C5orf22: variants seen among roughly 807,000 people sequenced by gnomAD.
C5orf22 encodes chromosome 5 open reading frame 22, also known as UPF0489 protein C5orf22.
C5orf22 carries 36 observed loss-of-function variants against 48.7 expected under a neutral mutation model. The observed-to-expected ratio is 0.74, with a 90% confidence interval of 0.57 to 0.98. The LOEUF (loss-of-function observed/expected upper bound fraction) is 0.98, where lower values mean the gene tolerates loss of function less well. C5orf22 is among the 50% of genes least tolerant of loss of function. The pLI is 0.00. For missense variants in C5orf22, 486 were observed against 521.9 expected, an observed-to-expected ratio of 0.93 and a Z score of 0.67; for synonymous variants, 141 against 180.8, an observed-to-expected ratio of 0.78 and a Z score of 1.76.
intron 7 of C5orf22, among the ~76,000 whole-genome samples, chr5:31,551,087 A>G (rs1295969303): frequency 6.6e-6 from 1 of 152,248 alleles, no homozygotes; most frequent in African/African-American, 2.4e-5. Flanking sequence ...ATTAAAAATT[A>G]AAAGTTTTTC....
In C5orf22 at chr5:31,555,021, T is replaced by C. The variant is rs1027033196; in HGVS notation, c.*2119T>C. On this transcript the variant is annotated 3_prime_UTR_variant, in exon 9 of 9. Transcript: ENST00000325366. ...GTTTTGAATTGTGTACTAATATCAT[T>C]AAAGCATGGGATTTTAGTGGCTTTT... is the stretch of plus-strand genomic sequence containing the variant. The C allele has an allele frequency of 2.0e-5, 3 of 152,206 alleles. No individual in the cohort carries two copies. The highest frequency in any genetic ancestry group is 1.3e-4 in the Admixed American group (2 of 15,274). The allele number at this position is 152,206 out of a possible 1,614,324, so 9.4% of individuals were successfully genotyped here.
At chr5:31,550,787 C>G (rs1294011285) in intron 7 of C5orf22, among the ~76,000 whole-genome samples, 1 of 152,162 alleles carries the variant, frequency 6.6e-6, no homozygotes, top group Non-Finnish European at 1.5e-5. Context: ...GTCTCCAACT[C>G]CCGACCTCAG....
rs569124014 is a variant in C5orf22, at chr5:31,532,991, G to C, written c.81+518G>C. Among the ~76,000 whole-genome samples the C allele has an allele frequency of 4.6e-5, 7 of 151,826 alleles. No homozygotes were observed. In the East Asian group the frequency reaches 1.4e-3, roughly 30 times the overall value. On this transcript the variant is annotated intron_variant, in intron 1 of 8. Coordinates refer to ENST00000325366, the MANE Select transcript of C5orf22 (RefSeq NM_018356.3). ...CTTTTTTGAGACGGAGTCTCTCTCT[G>C]TTACCCAGACTGGAGTGCAGTGGCG...
At chr5:31,546,288 G>T (rs1376703192) in intron 7 of C5orf22, among the ~76,000 whole-genome samples, 2 of 152,204 alleles carry the variant, frequency 1.3e-5, no homozygotes, top group African/African-American at 4.8e-5. Context: ...TACTTGAGAT[G>T]AGAAAGCTAT....
At chr5:31,544,620 G>T (rs952637332) in intron 6 of C5orf22, among the ~76,000 whole-genome samples, 1 of 151,862 alleles carries the variant, frequency 6.6e-6, no homozygotes, top group East Asian at 1.9e-4. Flanking sequence ...TATATCAGAT[G>T]ATGTAGGATT....
chr5:31,535,986 A>G (rs1742051735), intron 3 of C5orf22, 93 bp downstream of exon 3: 3 of 1,253,924 alleles, frequency 2.4e-6, no homozygotes, highest in East Asian at 2.5e-5. Flanking sequence ...CTGCACACAA[A>G]TAGGGTCAGA....
chr5:31,546,693 CT>C (rs1196024873), intron 7 of C5orf22, among the ~76,000 whole-genome samples: 3 of 152,128 alleles, frequency 2.0e-5, no homozygotes, highest in Non-Finnish European at 4.4e-5. Flanking sequence ...TGCAGGGAGA[CT>C]TTTGTTTTTA....
At chr5:31,536,187 A>G (rs1742071857) in intron 3 of C5orf22, among the ~76,000 whole-genome samples, 1 of 152,212 alleles carries the variant, frequency 6.6e-6, no homozygotes, top group Non-Finnish European at 1.5e-5. Flanking sequence ...ATAGATTTAT[A>G]CATTCAGTAG....
rs1743401374 is a variant in C5orf22 at position 31,553,193 on chromosome 5, C to G, written c.*291C>G. The G allele has an allele frequency of 3.7e-6, 1 of 271,408 alleles. No individual in the cohort carries two copies. The highest frequency in any genetic ancestry group is 5.0e-5 in the Admixed American group (1 of 20,074). The allele number at this position is 271,408 out of a possible 1,614,324, so 16.8% of individuals were successfully genotyped here. A position where few individuals can be genotyped will look rare whatever the true frequency, so the allele number is the denominator to read the frequency against. Reference sequence around the variant, plus strand: ...TGTTTGTTTGTTTGTCTTCACTTTTCCCCCAGGTCTGTTGAGCTGTATGAG... The same window carrying G: ...TGTTTGTTTGTTTGTCTTCACTTTTGCCCCAGGTCTGTTGAGCTGTATGAG... On this transcript the variant is annotated 3_prime_UTR_variant, in exon 9 of 9. Coordinates refer to ENST00000325366, the MANE Select transcript of C5orf22 (RefSeq NM_018356.3).
chr5:31,539,328 C>G (rs1742308069), intron 4 of C5orf22, among the ~76,000 whole-genome samples: 1 of 152,160 alleles, frequency 6.6e-6, no homozygotes, highest in African/African-American at 2.4e-5. Context: ...GAACCAATCC[C>G]CCACGGATAC....
Position 31,538,075 on chromosome 5 carries a change from G to A in C5orf22, c.378-185G>A, listed in dbSNP as rs1000986523. On this transcript the variant is annotated intron_variant, in intron 3 of 8. Coordinates refer to ENST00000325366, the MANE Select transcript of C5orf22 (RefSeq NM_018356.3). ...AGACTGAAATGTAGTCTTTATATGG[G>A]GCAGCTGTGTGTCCAGCTAAGAATT... The A allele has an allele frequency of 3.2e-5, 18 of 555,470 alleles. No individual in the cohort carries two copies. The African/African-American group carries it at 3.4e-4, about 10-fold the overall frequency. The allele number at this position is 555,470 out of a possible 1,614,324, so 34.4% of individuals were successfully genotyped here.
At chr5:31,552,616 C>T (rs1743352112) in intron 8 of C5orf22, among the ~76,000 whole-genome samples, 157 bp from the exon 9 acceptor site, 1 of 152,186 alleles carries the variant, frequency 6.6e-6, no homozygotes, top group African/African-American at 2.4e-5. Flanking sequence ...AGGTGACTAA[C>T]ATGGGGTAAA....
At chr5:31,552,042 TCTCA>T (rs1743307452) in intron 8 of C5orf22, among the ~76,000 whole-genome samples, 1 of 152,220 alleles carries the variant, frequency 6.6e-6, no homozygotes, top group African/African-American at 2.4e-5. Flanking sequence ...GTGCTGCTCT[TCTCA>T]CTCTGTCCTC....
chr5:31,540,072 G>A (rs950312415), intron 4 of C5orf22, among the ~76,000 whole-genome samples: 15 of 152,076 alleles, frequency 9.9e-5, no homozygotes, highest in Admixed American at 2.0e-4. Flanking sequence ...ATGTTCAAAA[G>A]TTAGGGGAGT....
chr5:31,544,890 A>G (rs2150077390), intron 6 of C5orf22, among the ~76,000 whole-genome samples: 1 of 152,188 alleles, frequency 6.6e-6, no homozygotes, highest in South Asian at 2.1e-4. Context: ...AGCCATGATC[A>G]CACCACTGCC....
chr5:31,552,306 T>C (rs1432512186), intron 8 of C5orf22, among the ~76,000 whole-genome samples: 1 of 152,248 alleles, frequency 6.6e-6, no homozygotes, highest in African/African-American at 2.4e-5. Context: ...CTTTATAATT[T>C]TGTAGTTAAC....
intron 4 of C5orf22, 182 bp from the exon 5 acceptor site, chr5:31,540,767 A>G: frequency 1.8e-6 from 1 of 550,290 alleles, no homozygotes. Context: ...AATATTTACA[A>G]TAAAATTATT....
chr5:31,534,767 T>TTTC (rs1009665414), intron 2 of C5orf22, among the ~76,000 whole-genome samples: 1 of 152,202 alleles, frequency 6.6e-6, no homozygotes, highest in African/African-American at 2.4e-5. Context: ...TCCCAGCTAC[T>TTTC]CAGGAAGCTA....
chr5:31,549,997 G>A lies in C5orf22; in HGVS notation c.1060-1296G>A, dbSNP rs548628509. 3.3e-5 allele frequency among the ~76,000 whole-genome samples: 5 copies of A among 152,176 alleles called. No homozygotes were observed. In the East Asian group the frequency reaches 9.6e-4, roughly 29 times the overall value. ...CGTTGGGTGGGTTTGATGTTTTTTG[G>A]GGGGCAGGGAATGGCTAGGGCTCAG... On this transcript the variant is annotated intron_variant, in intron 7 of 8. Coordinates refer to ENST00000325366, the MANE Select transcript of C5orf22 (RefSeq NM_018356.3).
Sources: gnomAD v4.1 joint callset for allele counts (sites outside exome capture counted in the v4.1 genomes callset) on GRCh38, gnomAD v4.1.1 for gene constraint, MANE v1.5 for transcripts, NCBI Gene and HGNC (gene_info 2026-07-23, HGNC 2026-07-21) for gene names.